KIF1A: variants seen among roughly 807,000 people sequenced by gnomAD.
The protein encoded by KIF1A is kinesin-like protein KIF1A.
In KIF1A, 46 loss-of-function variants were observed where a neutral mutation model predicts 227.3. That is an observed-to-expected ratio of 0.20 (90% CI 0.16 to 0.26). The LOEUF (loss-of-function observed/expected upper bound fraction) is 0.26. KIF1A is among the 10% of genes least tolerant of loss of function. KIF1A has a pLI of 1.00. For missense variants in KIF1A, 1,683 were observed against 2,485.9 expected, an observed-to-expected ratio of 0.68 and a Z score of 6.87; for synonymous variants, 1,022 against 1,012.8, an observed-to-expected ratio of 1.01 and a Z score of -0.17.
At chr2:240,732,124 G>GGAGGGGAGGAGGGGATGAGGAA (rs2046745425) in intron 38 of KIF1A, among the ~76,000 whole-genome samples, 1 of 24,980 alleles carries the variant, frequency 4.0e-5, no homozygotes, top group Non-Finnish European at 7.6e-5. Flanking sequence ...AGGGATGAGG[G>GGAGGGGAGGAGGGGATGAGGAA]GAGGGGAGGA....
Position 240,766,749 on chromosome 2 carries a change from TCACACA to T in KIF1A, c.1684+160_1684+165del, listed in dbSNP as rs55815321. ...CTCTCTCTCTCTCTCTCTCTCTCTCTCACACACACACACACACACACACACACACAC... is the reference window on the plus strand; with the variant it reads ...CTCTCTCTCTCTCTCTCTCTCTCTCTCACACACACACACACACACACACAC... On this transcript the variant is annotated intron_variant, in intron 19 of 48. Transcript: ENST00000498729. The surrounding 1 kb of genome is among the most constrained non-coding windows in gnomAD (Gnocchi z 5.0). 7.3e-5 allele frequency among the ~76,000 whole-genome samples: 8 copies of T among 108,974 alleles called. No homozygotes were observed. Among genetic ancestry groups the T allele is most frequent in the East Asian group, 3.2e-4 (1 of 3,156 alleles). The allele number at this position is 108,974 out of a possible 152,430, so 71.5% of individuals were successfully genotyped here.
rs750647166 is a variant in KIF1A, at chr2:240,718,151, C to T, written c.5232G>A (p.Ala1744=). 2.7e-5 allele frequency: 44 copies of T among 1,605,938 alleles called. No homozygotes were observed. In the East Asian group the frequency reaches 4.7e-4, roughly 17 times the overall value. Residue 1744 remains alanine (A), a synonymous_variant, in exon 48 of 49, where the codon GCG becomes GCA. Transcript: ENST00000498729. Reference sequence around the variant, plus strand: ...GGATGCCGCGGTGTTCCGTGCACACCGCGAATGTGTTGGGTGTCTGCAGAG... The same window carrying T: ...GGATGCCGCGGTGTTCCGTGCACACTGCGAATGTGTTGGGTGTCTGCAGAG... The part of the protein sequence containing the change: ...QAMLKTPNTF[A]VCTEHRGILL...
chr2:240,767,048 G>A (rs376929272), intron 18 of KIF1A, 27 bp from the exon 19 acceptor site: 36 of 1,549,998 alleles, frequency 2.3e-5, no homozygotes, highest in East Asian at 1.8e-4. Flanking sequence ...CCATCAGCAC[G>A]GCAGCTGGGA....
chr2:240,737,884 G>A (rs557280632), intron 37 of KIF1A, among the ~76,000 whole-genome samples: 113 of 152,310 alleles, frequency 7.4e-4, no homozygotes, highest in African/African-American at 2.5e-3. Context: ...TTCCCTCTCC[G>A]CCATGCATGG....
At chr2:240,805,635 T>A (rs1575665756) in intron 1 of KIF1A, among the ~76,000 whole-genome samples, 1 of 150,824 alleles carries the variant, frequency 6.6e-6, no homozygotes, top group East Asian at 2.0e-4. Flanking sequence ...ACAATAATCA[T>A]AAATTAATGG....
In KIF1A at chr2:240,773,164, G is replaced by A. The variant is rs1183605403; in HGVS notation, c.1130C>T (p.Thr377Ile). The A allele has an allele frequency of 6.8e-6, 11 of 1,613,846 alleles. No homozygotes were observed. The highest frequency in any genetic ancestry group is 2.7e-5 in the African/African-American group (2 of 74,936). The change falls in exon 13 of 49, where the codon ACC becomes ATC. Residue 377 changes from threonine (T) to isoleucine (I), a missense_variant. By Grantham distance (89) the Thr-to-Ile change is moderately conservative. Coordinates refer to ENST00000498729, the MANE Select transcript of KIF1A (RefSeq NM_001244008.2). Reference sequence around the variant, plus strand: ...GGCGTACAGAAGGTCCCGCAGCCGGGTCACCTCATCCTTCAGCTCGCGGAT... The same window carrying A: ...GGCGTACAGAAGGTCCCGCAGCCGGATCACCTCATCCTTCAGCTCGCGGAT... ...KLIRELKDEV[T>I]RLRDLLYAQG... is the part of the protein sequence containing the mutation.
At chr2:240,796,477 C>T (rs183988179) in intron 2 of KIF1A, among the ~76,000 whole-genome samples, 1 of 152,332 alleles carries the variant, frequency 6.6e-6, no homozygotes, top group Admixed American at 6.5e-5. Flanking sequence ...TCCCCTCAAA[C>T]TTCCCCAATC....
intron 34 of KIF1A, 24 bp downstream of exon 34, chr2:240,742,905 G>A (rs201585827): frequency 1.1e-5 from 17 of 1,604,608 alleles, no homozygotes; most frequent in Non-Finnish European, 1.4e-5. Context: ...ACTGCCCTGA[G>A]ACGGCTCCAG....
intron 11 of KIF1A, 130 bp from the exon 12 acceptor site, chr2:240,774,391 A>ACCCCCCCCCCCC (rs570956380): frequency 3.9e-6 from 1 of 253,670 alleles, no homozygotes; most frequent in Non-Finnish European, 6.9e-6. Flanking sequence ...TCACAGGCTT[A>ACCCCCCCCCCCC]CCCCCCCCCC....
intron 1 of KIF1A, among the ~76,000 whole-genome samples, chr2:240,813,742 A>G (rs928663117): frequency 3.0e-4 from 45 of 152,190 alleles, no homozygotes; most frequent in African/African-American, 1.0e-3. Context: ...GCTCCCGCCA[A>G]TGGCCTCCCT....
rs1553637468 is a variant in KIF1A at position 240,781,491 on chromosome 2, C to CCACACACAGCTCCACA, written c.882+1083_882+1098dup. ...CACACACACACACACACACACAGCTCCACACACAGCTCCACACACACACAC... is the reference window on the plus strand; with the variant it reads ...CACACACACACACACACACACAGCTCCACACACAGCTCCACACACACACAGCTCCACACACACACAC... On this transcript the variant is annotated intron_variant, in intron 10 of 48. Coordinates refer to ENST00000498729, the MANE Select transcript of KIF1A (RefSeq NM_001244008.2). Among the ~76,000 whole-genome samples the CCACACACAGCTCCACA allele has an allele frequency of 4.4e-5, 4 of 91,388 alleles. No homozygotes were observed. The East Asian group carries it at 1.4e-3, about 32-fold the overall frequency. 60.0% of individuals were successfully genotyped at this position (91,388 alleles called of 152,430 possible). A position where few individuals can be genotyped will look rare whatever the true frequency, so the allele number is the denominator to read the frequency against.
At position 240,740,088 on chromosome 2, in the gene KIF1A, G is replaced by A. The variant is rs199998986; in HGVS notation, c.3871C>T (p.Arg1291Cys). Residue 1291 changes from arginine (R) to cysteine (C), a missense_variant, in exon 37 of 49, where the codon CGC becomes TGC. By Grantham distance (180) the Arg-to-Cys change is radical. This residue lies in a region of KIF1A where 759 missense variants were observed against 1,020.2 expected (regional missense o/e 0.74). Transcript: ENST00000498729. This position sits in a 1 kb window ranked among gnomAD's most constrained non-coding sequence, Gnocchi z 6.1. ...ACCAGCTCGCGCACTTCCTTCCAGCGGATATGGCTGCCTGTCTCATGCAGT... is the reference window on the plus strand; with the variant it reads ...ACCAGCTCGCGCACTTCCTTCCAGCAGATATGGCTGCCTGTCTCATGCAGT... Reference protein sequence around the residue: ...TLLHETGSHIRWKEVRELVVG... With the variant: ...TLLHETGSHICWKEVRELVVG... The A allele has an allele frequency of 9.8e-5, 156 of 1,589,594 alleles. No individual in the cohort carries two copies. In the East Asian group the frequency reaches 1.6e-3, roughly 16 times the overall value.
At position 240,809,106 on chromosome 2, in the gene KIF1A, T is replaced by C. The variant is rs116102835; in HGVS notation, c.-61+11016A>G. On this transcript the variant is annotated intron_variant, in intron 1 of 48. Coordinates refer to ENST00000498729, the MANE Select transcript of KIF1A (RefSeq NM_001244008.2). ...GAAAATCTAAATAAATGGAGAACTA[T>C]AACTTATTGGTGGAAAATAAATCTC... Among the ~76,000 whole-genome samples the C allele has an allele frequency of 5.5e-3, 844 of 152,376 alleles. 10 individuals carry two copies. The highest frequency in any genetic ancestry group is 0.019 in the African/African-American group (796 of 41,596).
Position 240,722,644 on chromosome 2 carries a change from T to C in KIF1A, c.4477A>G (p.Arg1493Gly). 6.5e-7 allele frequency: 1 copy of C among 1,542,492 alleles called. No homozygotes were observed. The highest frequency in any genetic ancestry group is 8.8e-7 in the Non-Finnish European group (1 of 1,142,194). ...LSLLQEVEKT[R>G]HYLLLREKLE... The stretch of plus-strand genomic sequence containing the variant: ...TTCTCCCGCAGGAGCAGGTAGTGCC[T>C]AGTCTTCTCCACCTTCAGACAGGAC... The change falls in exon 43 of 49, where the codon AGG becomes GGG. Residue 1493 changes from arginine (R) to glycine (G), a missense_variant. Arg to Gly is a moderately radical substitution (Grantham distance 125, BLOSUM62 -2). Around this residue, in one of 12 missense-constraint regions of KIF1A, gnomAD observed 759 missense variants for 1,020.2 expected, o/e 0.74. Transcript: ENST00000498729.
rs1454271542 is a variant in KIF1A at position 240,766,749 on chromosome 2, T to TCTCTCTCTCTCACACACACACA, written c.1684+165_1684+166insTGTGTGTGTGTGAGAGAGAGAG. ...CTCTCTCTCTCTCTCTCTCTCTCTC[T>TCTCTCTCTCTCACACACACACA]CACACACACACACACACACACACAC... On this transcript the variant is annotated intron_variant, in intron 19 of 48. Transcript: ENST00000498729. This position sits in a 1 kb window ranked among gnomAD's most constrained non-coding sequence, Gnocchi z 5.0. Among the ~76,000 whole-genome samples, 11 of 109,012 alleles carry TCTCTCTCTCTCACACACACACA rather than the reference T, an allele frequency of 1.0e-4. No individual in the cohort carries two copies. Among genetic ancestry groups the TCTCTCTCTCTCACACACACACA allele is most frequent in the African/African-American group, 4.1e-4 (10 of 24,158 alleles). The allele number at this position is 109,012 out of a possible 152,430, so 71.5% of individuals were successfully genotyped here.
rs2054909456 is a variant in KIF1A, at chr2:240,786,761, T to TGGGGGCCGCCATCAGGACCCCTGAGTG, written c.430-249_430-248insCACTCAGGGGTCCTGATGGCGGCCCCC. Among the ~76,000 whole-genome samples, 4 of 71,280 alleles carry TGGGGGCCGCCATCAGGACCCCTGAGTG rather than the reference T, an allele frequency of 5.6e-5. 1 individual carries two copies. Among genetic ancestry groups the TGGGGGCCGCCATCAGGACCCCTGAGTG allele is most frequent in the Non-Finnish European group, 6.4e-5 (2 of 31,156 alleles). 46.8% of individuals were successfully genotyped at this position (71,280 alleles called of 152,430 possible). ...CCTGCTGGGCCCCTGAGTGAGAGGG[T>TGGGGGCCGCCATCAGGACCCCTGAGTG]AGGGGCCACCATCAGGACCCCTGAG... On this transcript the variant is annotated intron_variant, in intron 5 of 48. Coordinates refer to ENST00000498729, the MANE Select transcript of KIF1A (RefSeq NM_001244008.2).
rs1166927343 is a variant in KIF1A at position 240,792,890 on chromosome 2, G to A, written c.107-3578C>T. Among the ~76,000 whole-genome samples the A allele has an allele frequency of 6.6e-6, 1 of 152,200 alleles. No individual in the cohort carries two copies. The highest frequency in any genetic ancestry group is 1.5e-5 in the Non-Finnish European group (1 of 68,026). On this transcript the variant is annotated intron_variant, in intron 2 of 48. Coordinates refer to ENST00000498729, the MANE Select transcript of KIF1A (RefSeq NM_001244008.2). The surrounding 1 kb of genome is among the most constrained non-coding windows in gnomAD (Gnocchi z 4.5). ...GAAGGCAGCAGCTGCAGGCTGGGAA[G>A]ACAGCCCTCCCACGATCTAGACCTG...
chr2:240,731,723 C>A (rs2046625105), intron 38 of KIF1A, among the ~76,000 whole-genome samples: 1 of 152,192 alleles, frequency 6.6e-6, no homozygotes, highest in African/African-American at 2.4e-5. Context: ...GGTGAGCCCT[C>A]CCCACTGGGA....
Position 240,757,420 on chromosome 2 carries a change from C to CTCA in KIF1A, c.2754_2756dup (p.Asp918dup). Reference sequence around the variant, plus strand: ...CGTCGTCCTCCAGGTCCTCCTCCTCCTCATCCTCCTCCTCCTCCTCCTCCT... The same window carrying CTCA: ...CGTCGTCCTCCAGGTCCTCCTCCTCCTCATCATCCTCCTCCTCCTCCTCCTCCT... On this transcript the variant is annotated inframe_insertion, in exon 27 of 49. Transcript: ENST00000498729. This position sits in a 1 kb window ranked among gnomAD's most constrained non-coding sequence, Gnocchi z 6.2. 1 of 1,494,320 alleles carries CTCA rather than the reference C, an allele frequency of 6.7e-7. No individual in the cohort carries two copies. The highest frequency in any genetic ancestry group is 1.7e-4 in the Middle Eastern group (1 of 5,890). The allele number at this position is 1,494,320 out of a possible 1,614,324, so 92.6% of individuals were successfully genotyped here. A position where few individuals can be genotyped will look rare whatever the true frequency, so the allele number is the denominator to read the frequency against.
Sources: allele counts gnomAD v4.1 joint callset (sites outside exome capture counted in the v4.1 genomes callset), GRCh38; gene constraint gnomAD v4.1.1; regional missense constraint gnomAD v4.1.1; non-coding constraint Gnocchi (gnomAD v3.1); transcripts MANE v1.5; gene names NCBI Gene and HGNC (gene_info 2026-07-23, HGNC 2026-07-21).